Variants in ESRRG observed in about 807,000 individuals in gnomAD.
The protein encoded by ESRRG is estrogen related receptor gamma.
Under a neutral mutation model 44.0 loss-of-function variants are expected in ESRRG, and 13 were observed. That is an observed-to-expected ratio of 0.30 (90% CI 0.19 to 0.47). The LOEUF is 0.47. ESRRG is among the 20% of genes least tolerant of loss of function. ESRRG has a pLI of 1.00. For synonymous variants in ESRRG, 215 were observed against 214.6 expected (o/e 1.00, Z -0.02); for missense variants, 395 against 580.6 (o/e 0.68, Z 3.29).
intron 1 of ESRRG, among the ~76,000 whole-genome samples, chr1:216,971,757 G>A (rs1208326956): frequency 6.6e-6 from 1 of 152,116 alleles, no homozygotes; most frequent in East Asian, 1.9e-4. Flanking sequence ...CTCCCCAGTA[G>A]GACATACAGC....
At chr1:216,615,933 G>A (rs953554603) in intron 3 of ESRRG, among the ~76,000 whole-genome samples, 4 of 152,076 alleles carry the variant, frequency 2.6e-5, no homozygotes, top group Non-Finnish European at 2.9e-5. Flanking sequence ...AGATCTGCCC[G>A]CCTCGGCCTC....
intron 2 of ESRRG, among the ~76,000 whole-genome samples, chr1:216,939,343 C>CAAAAAAAA (rs201260010): frequency 0.031 from 1,540 of 49,860 alleles, 227 homozygotes; most frequent in East Asian, 0.063. Flanking sequence ...TACACATAGA[C>CAAAAAAAA]AAAAAAAAAA....
chr1:216,665,344 G>T (rs1228432024), intron 2 of ESRRG, among the ~76,000 whole-genome samples: 2 of 152,078 alleles, frequency 1.3e-5, no homozygotes, highest in African/African-American at 2.4e-5. Context: ...GATAATGGGG[G>T]ACTCCTGTAT....
At chr1:217,131,755 G>A (rs1176156193) in intron 1 of ESRRG, among the ~76,000 whole-genome samples, 2 of 152,170 alleles carry the variant, frequency 1.3e-5, no homozygotes, top group Admixed American at 1.3e-4. Flanking sequence ...CACTTAAGGG[G>A]AAAAATTTGA....
intron 3 of ESRRG, among the ~76,000 whole-genome samples, chr1:216,632,926 C>T (rs902576647): frequency 1.3e-5 from 2 of 152,134 alleles, no homozygotes; most frequent in Admixed American, 6.5e-5. Flanking sequence ...GTATAATATC[C>T]TTTTCCTTTG....
At chr1:216,644,299 T>C (rs539677143) in intron 3 of ESRRG, among the ~76,000 whole-genome samples, 70 of 152,318 alleles carry the variant, frequency 4.6e-4, no homozygotes, top group African/African-American at 1.6e-3. Flanking sequence ...TTCTACTATA[T>C]TGTTTGCACT....
At chr1:216,706,704 C>T (rs1246325920) in intron 1 of ESRRG, among the ~76,000 whole-genome samples, 4 of 152,238 alleles carry the variant, frequency 2.6e-5, no homozygotes, top group Admixed American at 1.3e-4. Context: ...TGGCATATTC[C>T]GATTGGCAAT....
At chr1:216,757,304 A>G (rs1056994156) in intron 2 of ESRRG, among the ~76,000 whole-genome samples, 4 of 151,986 alleles carry the variant, frequency 2.6e-5, no homozygotes, top group Admixed American at 2.6e-4. Flanking sequence ...CTGATGGGAG[A>G]CTGACAACCT....
At chr1:216,927,001 T>A (rs560043910) in intron 2 of ESRRG, among the ~76,000 whole-genome samples, 1 of 152,290 alleles carries the variant, frequency 6.6e-6, no homozygotes, top group East Asian at 1.9e-4. Flanking sequence ...GTTGGGGGAT[T>A]AGTGTCTAGA....
intron 1 of ESRRG, among the ~76,000 whole-genome samples, chr1:217,037,095 C>T (rs1247398812): frequency 1.3e-5 from 2 of 152,182 alleles, no homozygotes; most frequent in Non-Finnish European, 2.9e-5. Context: ...CCTGATCCTG[C>T]TCCCTGATAA....
chr1:216,825,007 C>T (rs2095366478), intron 2 of ESRRG, among the ~76,000 whole-genome samples: 1 of 152,176 alleles, frequency 6.6e-6, no homozygotes, highest in Admixed American at 6.5e-5. Flanking sequence ...CAGAATGTGT[C>T]ACAGTGACAG....
intron 1 of ESRRG, among the ~76,000 whole-genome samples, chr1:217,026,912 C>CACACAGAGAG (rs1255637839): frequency 1.3e-4 from 12 of 93,412 alleles, no homozygotes; most frequent in African/African-American, 4.0e-4. Flanking sequence ...CACACACACA[C>CACACAGAGAG]AGAGAGAGAG....
intron 1 of ESRRG, among the ~76,000 whole-genome samples, chr1:217,040,433 C>T (rs774890092): frequency 2.0e-5 from 3 of 152,072 alleles, no homozygotes; most frequent in Non-Finnish European, 4.4e-5. Context: ...TTCTACATCA[C>T]CTGCCCTTGG....
chr1:217,015,004 A>G (rs905563674), intron 1 of ESRRG, among the ~76,000 whole-genome samples: 1 of 152,118 alleles, frequency 6.6e-6, no homozygotes. Context: ...AAAAATGACC[A>G]AAAAAAGCAG....
intron 2 of ESRRG, among the ~76,000 whole-genome samples, chr1:216,898,292 T>C (rs2058657351): frequency 6.6e-6 from 1 of 152,192 alleles, no homozygotes; most frequent in Non-Finnish European, 1.5e-5. Context: ...TCATTTCATA[T>C]ACCATTACCC....
At chr1:216,892,113 C>G (rs1273738694) in intron 2 of ESRRG, among the ~76,000 whole-genome samples, 1 of 152,010 alleles carries the variant, frequency 6.6e-6, no homozygotes, top group East Asian at 1.9e-4. Flanking sequence ...CTGGTGCTCA[C>G]TTTTAAGCAA....
intron 3 of ESRRG, among the ~76,000 whole-genome samples, chr1:216,575,208 C>T (rs180757402): frequency 1.2e-4 from 18 of 152,164 alleles, no homozygotes; most frequent in Non-Finnish European, 1.8e-4. Context: ...TGTATATTCA[C>T]ACGTATACTC....
In ESRRG at chr1:216,946,659, C is replaced by T. The variant is rs117935010; in HGVS notation, c.-105-6986G>A. 1.7e-3 allele frequency among the ~76,000 whole-genome samples: 262 copies of T among 152,170 alleles called. 1 individual carries two copies. The highest frequency in any genetic ancestry group is 0.016 in the East Asian group (85 of 5,176). On this transcript the variant is annotated intron_variant, in intron 1 of 7. Transcript: ENST00000359162. ...ATCTGAGCATCCATTTAAATTTTAA[C>T]GTTGTGTTCTCAAAACACAGACCAC... is the stretch of plus-strand genomic sequence containing the variant.
intron 1 of ESRRG, among the ~76,000 whole-genome samples, chr1:217,001,913 G>C (rs899812018): frequency 6.6e-6 from 1 of 152,128 alleles, no homozygotes; most frequent in Non-Finnish European, 1.5e-5. Context: ...AGAATTGATA[G>C]CTTAAGCCAG....
Sources: gnomAD v4.1 joint callset for allele counts (sites outside exome capture counted in the v4.1 genomes callset) on GRCh38, gnomAD v4.1.1 for gene constraint, MANE v1.5 for transcripts, NCBI Gene and HGNC (gene_info 2026-07-23, HGNC 2026-07-21) for gene names.